The following FSIP2 variants were observed in gnomAD, a reference collection of about 807,000 sequenced individuals.
FSIP2 encodes the protein fibrous sheath interacting protein 2, also known as fibrous sheath-interacting protein 2.
A neutral mutation model predicts 510.5 loss-of-function variants in FSIP2; 367 were observed. The observed-to-expected ratio is 0.72, with a 90% CI of 0.66 to 0.78. The LOEUF is 0.78. FSIP2 is among the 30% of genes least tolerant of loss of function. The pLI is 0.00. For missense variants in FSIP2, 7,594 were observed against 7,901.7 expected, an observed-to-expected ratio of 0.96 and a Z score of 1.48; for synonymous variants, 2,601 against 2,732.2, an observed-to-expected ratio of 0.95 and a Z score of 1.50.
In FSIP2 at chr2:185,794,859, G is replaced by C. The variant is rs1472476000; in HGVS notation, c.7723G>C (p.Asp2575His). The C allele has an allele frequency of 2.0e-6, 3 of 1,532,986 alleles. No homozygotes were observed. Among genetic ancestry groups the C allele is most frequent in the South Asian group, 2.4e-5 (2 of 83,784 alleles). 95.0% of individuals were successfully genotyped at this position (1,532,986 alleles called of 1,614,324 possible). The change falls in exon 16 of 23, where the codon GAT (aspartate) becomes CAT (histidine). Residue 2575 changes from aspartate to histidine, a missense_variant. Coordinates refer to ENST00000424728, the MANE Select transcript of FSIP2 (RefSeq NM_173651.4). ...RTEVEISDHN[D>H]SLLMKPLRFR... ...AGAAGTTGAAATATCTGACCACAATGATTCCTTACTAATGAAACCATTAAG... is the reference window on the plus strand; with the variant it reads ...AGAAGTTGAAATATCTGACCACAATCATTCCTTACTAATGAAACCATTAAG...
chr2:185,818,568 A>G (rs187913234), intron 19 of FSIP2, among the ~76,000 whole-genome samples: 1 of 152,096 alleles, frequency 6.6e-6, no homozygotes, highest in East Asian at 1.9e-4. Flanking sequence ...AAAGTAGAAG[A>G]AGGAAAGTGA....
intron 13 of FSIP2, among the ~76,000 whole-genome samples, chr2:185,782,303 G>A (rs1050534164): frequency 6.6e-6 from 1 of 152,076 alleles, no homozygotes. Context: ...ATTCAGGTAC[G>A]TATCAAGGAA....
In FSIP2 at chr2:185,799,982, G is replaced by C; in HGVS notation, c.10676G>C (p.Cys3559Ser). Reference sequence around the variant, plus strand: ...ATTTCCATTGGAGAACTTGCTTTATGTATTTCTGAAATCATTATTAAAATT... The same window carrying C: ...ATTTCCATTGGAGAACTTGCTTTATCTATTTCTGAAATCATTATTAAAATT... ...RSISIGELAL[C>S]ISEIIIKILF... The change falls in exon 17 of 23, where the codon TGT (cysteine) becomes TCT (serine). Residue 3559 changes from cysteine to serine, a missense_variant. By Grantham distance (112) the Cys-to-Ser change is moderately radical. Transcript: ENST00000424728. 1.3e-6 allele frequency: 2 copies of C among 1,521,982 alleles called. No homozygotes were observed. Among genetic ancestry groups the C allele is most frequent in the African/African-American group, 1.4e-5 (1 of 72,516 alleles). The allele number at this position is 1,521,982 out of a possible 1,614,324, so 94.3% of individuals were successfully genotyped here.
chr2:185,807,506 T>C lies in FSIP2; in HGVS notation c.18200T>C (p.Ile6067Thr), dbSNP rs921662581. The change falls in exon 17 of 23, where the codon ATA becomes ACA. Residue 6067 changes from isoleucine (I) to threonine (T), a missense_variant. Coordinates refer to ENST00000424728, the MANE Select transcript of FSIP2 (RefSeq NM_173651.4). ...ATCTCCCAAGATAAATATATGACTA[T>C]ACAGTATGTAGAAACCTTACAATCT... is the stretch of plus-strand genomic sequence containing the variant. ...TEISQDKYMT[I>T]QYVETLQSDD... 3.1e-6 allele frequency: 5 copies of C among 1,606,634 alleles called. No individual in the cohort carries two copies. Among genetic ancestry groups the C allele is most frequent in the Admixed American group, 1.7e-5 (1 of 59,844 alleles).
chr2:185,789,384 C>T lies in FSIP2; in HGVS notation c.2248C>T (p.His750Tyr), dbSNP rs1368698026. The T allele has an allele frequency of 6.5e-7, 1 of 1,534,992 alleles. No homozygotes were observed. Among genetic ancestry groups the T allele is most frequent in the South Asian group, 1.2e-5 (1 of 84,036 alleles). Residue 750 changes from histidine (H) to tyrosine (Y), a missense_variant, in exon 16 of 23, where the codon CAT becomes TAT. His to Tyr is a moderately conservative substitution (Grantham distance 83). Coordinates refer to ENST00000424728, the MANE Select transcript of FSIP2 (RefSeq NM_173651.4). ...AAAAGAAATCTTGCTTTCCAATGCT[C>T]ATATTCCCTCAGTTGCTTCTGAGAT... ...REKEILLSNAHIPSVASEIVE... is the reference protein window; with the variant it reads ...REKEILLSNAYIPSVASEIVE...
Position 185,800,819 on chromosome 2 carries a change from C to A in FSIP2, c.11513C>A (p.Ser3838Tyr). ...EIDQDLLTSD[S>Y]MLTIISHSLV... ...GATCAAGACTTATTGACATCAGACT[C>A]TATGCTTACTATTATTTCCCACAGC... Residue 3838 changes from serine (S) to tyrosine (Y), a missense_variant, in exon 17 of 23, where the codon TCT becomes TAT. By Grantham distance (144) the Ser-to-Tyr change is moderately radical. Coordinates refer to ENST00000424728, the MANE Select transcript of FSIP2 (RefSeq NM_173651.4). 13 of 1,534,320 alleles carry A rather than the reference C, an allele frequency of 8.5e-6. No individual in the cohort carries two copies. The highest frequency in any genetic ancestry group is 1.1e-5 in the Non-Finnish European group (13 of 1,145,586).
At chr2:185,777,307 G>A (rs966765520) in intron 13 of FSIP2, among the ~76,000 whole-genome samples, 1 of 151,396 alleles carries the variant, frequency 6.6e-6, no homozygotes, top group Non-Finnish European at 1.5e-5. Context: ...TAACACAGAA[G>A]TAACTGTGTT....
chr2:185,824,371 TAACCA>T (rs1693977285), intron 19 of FSIP2, 58 bp from the exon 20 acceptor site: 1 of 1,086,602 alleles, frequency 9.2e-7, no homozygotes, highest in East Asian at 2.4e-5. Flanking sequence ...TTCTTTTGCT[TAACCA>T]GTAACTTCTT....
chr2:185,744,468 T>G (rs1165998241), intron 4 of FSIP2, 57 bp downstream of exon 4: 1 of 375,970 alleles, frequency 2.7e-6, no homozygotes, highest in Non-Finnish European at 4.6e-6. Flanking sequence ...AAATGCTTGA[T>G]TATATGTAGA....
Position 185,796,192 on chromosome 2 carries a change from T to C in FSIP2, c.9056T>C (p.Ile3019Thr). The C allele has an allele frequency of 1.3e-6, 2 of 1,532,372 alleles. No homozygotes were observed. The highest frequency in any genetic ancestry group is 1.7e-4 in the Middle Eastern group (1 of 5,956). The allele number at this position is 1,532,372 out of a possible 1,614,324, so 94.9% of individuals were successfully genotyped here. A position where few individuals can be genotyped will look rare whatever the true frequency, so the allele number is the denominator to read the frequency against. The change falls in exon 16 of 23, where the codon ATT becomes ACT. Residue 3019 changes from isoleucine (I) to threonine (T), a missense_variant. Physicochemically the swap from Ile to Thr is moderately conservative, Grantham distance 89. Coordinates refer to ENST00000424728, the MANE Select transcript of FSIP2 (RefSeq NM_173651.4). ...KHISKYEFSEIVKMPIENLSS... is the reference protein window; with the variant it reads ...KHISKYEFSETVKMPIENLSS... ...ATCTCCAAATATGAGTTTTCTGAAATTGTGAAAATGCCTATAGAAAACCTT... is the reference window on the plus strand; with the variant it reads ...ATCTCCAAATATGAGTTTTCTGAAACTGTGAAAATGCCTATAGAAAACCTT...
At position 185,794,674 on chromosome 2, in the gene FSIP2, A is replaced by G; in HGVS notation, c.7538A>G (p.Asn2513Ser). 1 of 1,533,540 alleles carries G rather than the reference A, an allele frequency of 6.5e-7. No individual in the cohort carries two copies. The highest frequency in any genetic ancestry group is 8.7e-7 in the Non-Finnish European group (1 of 1,145,538). 95.0% of individuals were successfully genotyped at this position (1,533,540 alleles called of 1,614,324 possible). The change falls in exon 16 of 23, where the codon AAC becomes AGC. Residue 2513 changes from asparagine (N) to serine (S), a missense_variant. Asn to Ser is a conservative substitution (Grantham distance 46). Coordinates refer to ENST00000424728, the MANE Select transcript of FSIP2 (RefSeq NM_173651.4). ...GHLPPLNETA[N>S]FISNSKIKTS... ...TTGCCTCCACTTAATGAAACTGCCA[A>G]CTTTATATCTAATTCTAAGATTAAA...
At position 185,805,289 on chromosome 2, in the gene FSIP2, T is replaced by C; in HGVS notation, c.15983T>C (p.Ile5328Thr). Residue 5328 changes from isoleucine to threonine, a missense_variant, in exon 17 of 23, where the codon ATT becomes ACT. Coordinates refer to ENST00000424728, the MANE Select transcript of FSIP2 (RefSeq NM_173651.4). ...ATAAGGGAATTTAAGAAAAGTGATATTAAAGTTTTACCAAATGCTGAAAAA... is the reference window on the plus strand; with the variant it reads ...ATAAGGGAATTTAAGAAAAGTGATACTAAAGTTTTACCAAATGCTGAAAAA... ...SLIREFKKSD[I>T]KVLPNAEKMF... The C allele has an allele frequency of 1.3e-6, 2 of 1,595,404 alleles. No individual in the cohort carries two copies.
chr2:185,816,238 T>G (rs1366651156), intron 19 of FSIP2, among the ~76,000 whole-genome samples: 2 of 151,958 alleles, frequency 1.3e-5, no homozygotes, highest in African/African-American at 4.8e-5. Context: ...AATTGCATTT[T>G]TTTTTTGACA....
intron 17 of FSIP2, among the ~76,000 whole-genome samples, chr2:185,813,203 T>C (rs1346915080): frequency 2.0e-5 from 3 of 152,038 alleles, no homozygotes; most frequent in Non-Finnish European, 4.4e-5. Flanking sequence ...ACCTAGGATT[T>C]TGGAAAATAG....
chr2:185,807,189 G>A lies in FSIP2; in HGVS notation c.17883G>A (p.Gln5961=). The A allele has an allele frequency of 2.5e-6, 4 of 1,602,098 alleles. No homozygotes were observed. Among genetic ancestry groups the A allele is most frequent in the Non-Finnish European group, 1.7e-6 (2 of 1,176,146 alleles). The change falls in exon 17 of 23, where the codon CAG becomes CAA. Residue 5961 remains glutamine, a synonymous_variant. Transcript: ENST00000424728. ...SAVINEIFQR[Q]VNLIFCDEVS... is the part of the protein sequence containing the mutation. ...TGATAAATGAAATTTTCCAACGTCA[G>A]GTTAACTTGATATTTTGTGATGAGG...
chr2:185,744,345 G>C lies in FSIP2; in HGVS notation c.411G>C (p.Leu137Phe), dbSNP rs1691983012. 8.2e-7 allele frequency: 1 copy of C among 1,213,550 alleles called. No individual in the cohort carries two copies. The highest frequency in any genetic ancestry group is 1.6e-5 in the African/African-American group (1 of 63,280). 75.2% of individuals were successfully genotyped at this position (1,213,550 alleles called of 1,614,324 possible). ...NNKVVCTLRELNKYRQYLTSL... is the reference protein window; with the variant it reads ...NNKVVCTLREFNKYRQYLTSL... ...AGGTTGTATGTACCTTGAGAGAATT[G>C]AATAAGTACAGGCAATATCTTACCA... The change falls in exon 4 of 23, where the codon TTG becomes TTC. Residue 137 changes from leucine to phenylalanine, a missense_variant. Transcript: ENST00000424728.
At chr2:185,746,174 C>T (rs1692028487) in intron 5 of FSIP2, among the ~76,000 whole-genome samples, 1 of 151,930 alleles carries the variant, frequency 6.6e-6, no homozygotes, top group African/African-American at 2.4e-5. Context: ...GTATTATTGC[C>T]ATAATACATA....
Position 185,795,289 on chromosome 2 carries a change from C to T in FSIP2, c.8153C>T (p.Ser2718Leu). 2.0e-6 allele frequency: 3 copies of T among 1,535,102 alleles called. No individual in the cohort carries two copies. Among genetic ancestry groups the T allele is most frequent in the Non-Finnish European group, 2.6e-6 (3 of 1,146,282 alleles). The stretch of plus-strand genomic sequence containing the variant: ...GCCATTGGGTTGTCACACATCATGT[C>T]AGCTGGAGATGCCAAAAATTTACTG... ...KTAIGLSHIM[S>L]AGDAKNLLDT... The change falls in exon 16 of 23, where the codon TCA becomes TTA. Residue 2718 changes from serine to leucine, a missense_variant. Coordinates refer to ENST00000424728, the MANE Select transcript of FSIP2 (RefSeq NM_173651.4).
rs1282400276 is a variant in FSIP2 at position 185,795,972 on chromosome 2, T to TCAAA, written c.8839_8842dup (p.Ser2948LysfsTer3). The TCAAA allele has an allele frequency of 6.5e-7, 1 of 1,534,824 alleles. No individual in the cohort carries two copies. The highest frequency in any genetic ancestry group is 8.7e-7 in the Non-Finnish European group (1 of 1,146,082). On this transcript the variant is annotated frameshift_variant, in exon 16 of 23. Coordinates refer to ENST00000424728, the MANE Select transcript of FSIP2 (RefSeq NM_173651.4). LOFTEE classifies it high-confidence loss of function. ...CACTCCAGATAGTGAAGAAACTCTATCAAACAGTAAAGAACACATTACTGC... is the reference window on the plus strand; with the variant it reads ...CACTCCAGATAGTGAAGAAACTCTATCAAACAAACAGTAAAGAACACATTACTGC...
Sources: allele counts gnomAD v4.1 joint callset (sites outside exome capture counted in the v4.1 genomes callset), GRCh38; gene constraint gnomAD v4.1.1; transcripts MANE v1.5; gene names NCBI Gene and HGNC (gene_info 2026-07-23, HGNC 2026-07-21).